MACROD1: variants seen among roughly 807,000 people sequenced by gnomAD.
MACROD1 encodes mono-ADP ribosylhydrolase 1, also known as ADP-ribose glycohydrolase MACROD1.
In MACROD1, 31 loss-of-function variants were observed where a neutral mutation model predicts 41.4. That is an observed-to-expected ratio of 0.75 (90% CI 0.56 to 1.01). The LOEUF (loss-of-function observed/expected upper bound fraction) is 1.01, where lower values mean the gene tolerates loss of function less well. Ranked by LOEUF, MACROD1 falls within the 50% of genes least tolerant of loss-of-function variation. The pLI, the probability that MACROD1 is intolerant of heterozygous loss-of-function variation, is 0.00. For missense variants in MACROD1, 473 were observed against 460.0 expected, an observed-to-expected ratio of 1.03 and a Z score of -0.26; for synonymous variants, 252 against 203.4, an observed-to-expected ratio of 1.24 and a Z score of -2.03.
chr11:64,051,405 ACACT>A (rs886394481), intron 3 of MACROD1, among the ~76,000 whole-genome samples: 27 of 152,226 alleles, frequency 1.8e-4, no homozygotes, highest in African/African-American at 6.5e-4. Context: ...GCTTGGCCTG[ACACT>A]CAGTGGTGAC....
intron 3 of MACROD1, among the ~76,000 whole-genome samples, chr11:64,016,014 G>T (rs1943076810): frequency 6.6e-6 from 1 of 152,198 alleles, no homozygotes; most frequent in Non-Finnish European, 1.5e-5. Flanking sequence ...ATGGAGAGGG[G>T]TCCTCAACTC....
intron 3 of MACROD1, among the ~76,000 whole-genome samples, chr11:64,054,885 C>A (rs1372553516): frequency 6.6e-6 from 1 of 152,048 alleles, no homozygotes; most frequent in South Asian, 2.1e-4. Flanking sequence ...GTGACAAATA[C>A]CCCCACTACT....
chr11:64,156,519 G>A (rs1468373786), intron 1 of MACROD1, among the ~76,000 whole-genome samples: 1 of 152,170 alleles, frequency 6.6e-6, no homozygotes, highest in East Asian at 1.9e-4. Context: ...CTAGACCAGC[G>A]TGACCAGAGA....
In MACROD1 at chr11:64,082,613, C is replaced by A. The variant is rs1944324142; in HGVS notation, c.518-67332G>T. ...AGGGGTCCCTGGGCTGAAGACGGAA[C>A]CTCTGAGTGCAGGCACCAGGTGGGA... On this transcript the variant is annotated intron_variant, in intron 3 of 10. Transcript: ENST00000255681. This position sits in a 1 kb window ranked among gnomAD's most constrained non-coding sequence, Gnocchi z 4.5. Among the ~76,000 whole-genome samples the A allele has an allele frequency of 1.3e-5, 2 of 152,062 alleles. No individual in the cohort carries two copies. The highest frequency in any genetic ancestry group is 4.8e-5 in the African/African-American group (2 of 41,398).
At chr11:64,040,909 G>A (rs1943472290) in intron 3 of MACROD1, among the ~76,000 whole-genome samples, 1 of 152,090 alleles carries the variant, frequency 6.6e-6, no homozygotes, top group Admixed American at 6.5e-5. Context: ...CCGACGTCCG[G>A]CCAGGCCCCA....
intron 3 of MACROD1, among the ~76,000 whole-genome samples, chr11:64,123,891 T>C (rs1271938847): frequency 6.6e-6 from 1 of 152,114 alleles, no homozygotes; most frequent in Non-Finnish European, 1.5e-5. Context: ...CTGGGAGCAT[T>C]CAAGCACTAG....
chr11:64,017,765 C>T (rs1943100891), intron 3 of MACROD1, among the ~76,000 whole-genome samples: 1 of 152,080 alleles, frequency 6.6e-6, no homozygotes, highest in Non-Finnish European at 1.5e-5. Context: ...GGCAGCTGCC[C>T]TCCTCGGGAC....
intron 1 of MACROD1, among the ~76,000 whole-genome samples, chr11:64,158,003 A>G (rs1187103778): frequency 6.6e-6 from 1 of 152,172 alleles, no homozygotes; most frequent in Non-Finnish European, 1.5e-5. Flanking sequence ...GTCTCTGCCC[A>G]CACCAGGGCA....
In MACROD1 at chr11:64,064,811, C is replaced by T. The variant is rs975107118; in HGVS notation, c.518-49530G>A. Among the ~76,000 whole-genome samples the T allele has an allele frequency of 5.3e-5, 8 of 151,962 alleles. No homozygotes were observed. The highest frequency in any genetic ancestry group is 8.8e-5 in the Non-Finnish European group (6 of 67,984). ...GGCTGCCAACTAAAACCTGGGCACCCGGTGGCCAAGAGGCTAGAGTTTCAC... is the reference window on the plus strand; with the variant it reads ...GGCTGCCAACTAAAACCTGGGCACCTGGTGGCCAAGAGGCTAGAGTTTCAC... On this transcript the variant is annotated intron_variant, in intron 3 of 10. Coordinates refer to ENST00000255681, the MANE Select transcript of MACROD1 (RefSeq NM_014067.4). This position sits in a 1 kb window ranked among gnomAD's most constrained non-coding sequence, Gnocchi z 4.5.
intron 3 of MACROD1, among the ~76,000 whole-genome samples, chr11:64,065,539 C>T (rs1175063251): frequency 1.3e-5 from 2 of 152,126 alleles, no homozygotes; most frequent in Non-Finnish European, 2.9e-5. Flanking sequence ...CCTGTAATCC[C>T]AGCACTTTGG....
intron 3 of MACROD1, chr11:64,148,878 T>C: frequency 1.0e-6 from 1 of 985,548 alleles, no homozygotes; most frequent in Non-Finnish European, 1.2e-6. Flanking sequence ...CCTGGAGGCC[T>C]GACCAGTGCC....
At chr11:64,007,814 C>T (rs941577324) in intron 4 of MACROD1, among the ~76,000 whole-genome samples, 3 of 152,218 alleles carry the variant, frequency 2.0e-5, no homozygotes, top group Non-Finnish European at 2.9e-5. Flanking sequence ...GGTGCGGGGA[C>T]TGCCCAGCCC....
At chr11:64,013,755 C>A (rs1051774418) in intron 4 of MACROD1, among the ~76,000 whole-genome samples, 1 of 152,206 alleles carries the variant, frequency 6.6e-6, no homozygotes, top group African/African-American at 2.4e-5. Context: ...CATCTCCCCA[C>A]CTCTTGGCTG....
At chr11:64,063,706 C>A (rs191032279) in intron 3 of MACROD1, among the ~76,000 whole-genome samples, 9 of 152,166 alleles carry the variant, frequency 5.9e-5, no homozygotes, top group Non-Finnish European at 1.0e-4. Flanking sequence ...CACACCTCAG[C>A]GGGTGCTGAA....
At chr11:64,107,280 G>A (rs1263712580) in intron 3 of MACROD1, among the ~76,000 whole-genome samples, 1 of 152,232 alleles carries the variant, frequency 6.6e-6, no homozygotes, top group Non-Finnish European at 1.5e-5. Context: ...AGGTGTAGGA[G>A]CATCTTATTA....
intron 3 of MACROD1, among the ~76,000 whole-genome samples, chr11:64,048,280 G>A (rs1943623945): frequency 1.3e-5 from 2 of 152,224 alleles, no homozygotes. Context: ...GTCTGCCATG[G>A]GCAGCTGCCC....
chr11:64,145,452 G>T (rs1439187542), intron 3 of MACROD1, among the ~76,000 whole-genome samples: 2 of 152,062 alleles, frequency 1.3e-5, no homozygotes, highest in Non-Finnish European at 2.9e-5. Flanking sequence ...CTCTCCGTGT[G>T]CCAGGCCCTG....
At chr11:64,035,528 G>T (rs900001643) in intron 3 of MACROD1, among the ~76,000 whole-genome samples, 1 of 151,714 alleles carries the variant, frequency 6.6e-6, no homozygotes, top group African/African-American at 2.4e-5. Flanking sequence ...TTGGCTTTGG[G>T]AGCCTCCCTC....
rs755222268 is a variant in MACROD1 at position 63,998,902 on chromosome 11, C to G, written c.974-30G>C. 1.9e-5 allele frequency: 31 copies of G among 1,594,458 alleles called. No individual in the cohort carries two copies. In the South Asian group the frequency reaches 2.8e-4, roughly 15 times the overall value. ...AAGGCAGAGGACAGTGAGAGCCCGC[C>G]CCCAGGGTGGACCGGGGCAGGGGCG... On this transcript the variant is annotated intron_variant, in intron 9 of 10. Transcript: ENST00000255681.
Sources: gnomAD v4.1 joint callset for allele counts (sites outside exome capture counted in the v4.1 genomes callset) on GRCh38, gnomAD v4.1.1 for gene constraint, Gnocchi (gnomAD v3.1) non-coding constraint, MANE v1.5 for transcripts, NCBI Gene and HGNC (gene_info 2026-07-23, HGNC 2026-07-21) for gene names.